PSMD11: variants seen among roughly 807,000 people sequenced by gnomAD.
PSMD11 encodes the protein proteasome 26S subunit, non-ATPase 11.
PSMD11 carries 5 observed loss-of-function variants against 62.3 expected under a neutral mutation model. The ratio of observed to expected loss-of-function variants is 0.08; its 90% CI spans 0.04 to 0.17. The LOEUF is 0.17. PSMD11 is among the 10% of genes least tolerant of loss of function. The pLI is 1.00. For synonymous variants in PSMD11, 191 were observed against 191.8 expected (o/e 1.00, Z 0.03); for missense variants, 310 against 512.9 (o/e 0.60, Z 3.82).
intron 5 of PSMD11, among the ~76,000 whole-genome samples, chr17:32,464,996 TAATTG>T (rs964711793): frequency 6.6e-6 from 1 of 152,032 alleles, no homozygotes; most frequent in Non-Finnish European, 1.5e-5. Context: ...ATCAAGAAAT[TAATTG>T]GGTACAAATA....
At chr17:32,464,436 A>G in intron 4 of PSMD11, 85 bp from the exon 5 acceptor site, 2 of 1,120,718 alleles carry the variant, frequency 1.8e-6, no homozygotes, top group Non-Finnish European at 2.6e-6. Context: ...CATATTTAAC[A>G]GTAACAGTTC....
At chr17:32,444,997 A>G (rs1907288148) in intron 1 of PSMD11, 1 of 260,624 alleles carries the variant, frequency 3.8e-6, no homozygotes, top group Non-Finnish European at 7.3e-6. Flanking sequence ...TAGAGTCTCT[A>G]CTTGAAAGGC....
At chr17:32,458,226 C>G (rs773925940) in intron 3 of PSMD11, among the ~76,000 whole-genome samples, 2 of 152,150 alleles carry the variant, frequency 1.3e-5, no homozygotes, top group East Asian at 1.9e-4. Context: ...TTTTATTCCT[C>G]TCCCTCTTCT....
Position 32,467,168 on chromosome 17 carries a change from C to G in PSMD11, c.449-1831C>G, listed in dbSNP as rs149594093. Among the ~76,000 whole-genome samples the G allele has an allele frequency of 4.0e-5, 6 of 151,890 alleles. No individual in the cohort carries two copies. The East Asian group carries it at 1.2e-3, about 29-fold the overall frequency. On this transcript the variant is annotated intron_variant, in intron 5 of 13. Transcript: ENST00000261712. ...CCATGTTGGCCAGCCTGGTCTCGAA[C>G]TCTTGACTTAGTGATCTGCCCGCCT... is the stretch of plus-strand genomic sequence containing the variant.
intron 2 of PSMD11, among the ~76,000 whole-genome samples, chr17:32,449,385 A>G (rs1290222403): frequency 6.6e-6 from 1 of 152,202 alleles, no homozygotes; most frequent in Non-Finnish European, 1.5e-5. Context: ...AGCCTGGGTG[A>G]CAGAGCAAGA....
intron 7 of PSMD11, 105 bp from the exon 8 acceptor site, chr17:32,474,659 C>CAG (rs914127725): frequency 9.0e-7 from 1 of 1,105,198 alleles, no homozygotes; most frequent in African/African-American, 1.5e-5. Flanking sequence ...TCTGTGTGGG[C>CAG]AGAGTCTTTA....
At chr17:32,477,742 A>C (rs1220870156) in intron 9 of PSMD11, 159 bp downstream of exon 9, 5 of 487,034 alleles carry the variant, frequency 1.0e-5, no homozygotes, top group African/African-American at 9.9e-5. Flanking sequence ...GAAATAGTTA[A>C]GCACTTTGTA....
chr17:32,467,932 T>C (rs1260078032), intron 5 of PSMD11, among the ~76,000 whole-genome samples: 1 of 152,228 alleles, frequency 6.6e-6, no homozygotes, highest in Non-Finnish European at 1.5e-5. Context: ...TACCTATTAG[T>C]TATTTTTCTT....
chr17:32,463,718 T>G (rs905513753), intron 3 of PSMD11, among the ~76,000 whole-genome samples: 4 of 152,250 alleles, frequency 2.6e-5, no homozygotes, highest in African/African-American at 9.6e-5. Context: ...ATCTGTGCTT[T>G]AAAAATTCCT....
chr17:32,448,293 C>T (rs1038046041), intron 2 of PSMD11, among the ~76,000 whole-genome samples: 5 of 151,852 alleles, frequency 3.3e-5, no homozygotes, highest in African/African-American at 7.3e-5. Context: ...TTATATCTTA[C>T]TTAAAACATC....
intron 4 of PSMD11, 62 bp downstream of exon 4, chr17:32,464,182 C>T: frequency 2.1e-6 from 3 of 1,414,830 alleles, no homozygotes; most frequent in South Asian, 2.3e-5. Context: ...TGAATGTAAG[C>T]AGTACCATCC....
At position 32,448,541 on chromosome 17, in the gene PSMD11, A is replaced by ATT. The variant is rs879625081; in HGVS notation, c.193+1505_193+1506dup. ...CGCCACTATGCCCGGCTAATTTTGT[A>ATT]TTTTTTTTTTTAGTAGAGGCGAGGT... On this transcript the variant is annotated intron_variant, in intron 2 of 13. Coordinates refer to ENST00000261712, the MANE Select transcript of PSMD11 (RefSeq NM_002815.4). Among the ~76,000 whole-genome samples the ATT allele has an allele frequency of 2.8e-5, 4 of 141,086 alleles. No homozygotes were observed. The Admixed American group carries it at 2.8e-4, about 10-fold the overall frequency. The allele number at this position is 141,086 out of a possible 152,430, so 92.6% of individuals were successfully genotyped here.
In PSMD11 at chr17:32,446,925, T is replaced by C. The variant is rs1907349868; in HGVS notation, c.92-20T>C. 6.3e-7 allele frequency: 1 copy of C among 1,576,626 alleles called. No homozygotes were observed. Among genetic ancestry groups the C allele is most frequent in the Non-Finnish European group, 8.7e-7 (1 of 1,150,684 alleles). The stretch of plus-strand genomic sequence containing the variant: ...TTTTTTGGTCAGAATTTTAAGAGGG[T>C]TTGCATTTTCCTCTCCCAGTGAAGC... On this transcript the variant is annotated intron_variant, in intron 1 of 13. Coordinates refer to ENST00000261712, the MANE Select transcript of PSMD11 (RefSeq NM_002815.4).
chr17:32,461,476 C>G (rs1240851814), intron 3 of PSMD11, among the ~76,000 whole-genome samples: 1 of 151,116 alleles, frequency 6.6e-6, no homozygotes, highest in Non-Finnish European at 1.5e-5. Flanking sequence ...GAGGCTGAGG[C>G]AGGAGAAGTG....
In PSMD11 at chr17:32,474,033, TG is replaced by T. The variant is rs1340173401; in HGVS notation, c.788+90del. The T allele has an allele frequency of 2.0e-6, 3 of 1,507,336 alleles. No homozygotes were observed. The African/African-American group carries it at 4.1e-5, about 21-fold the overall frequency. 93.4% of individuals were successfully genotyped at this position (1,507,336 alleles called of 1,614,324 possible). A position where few individuals can be genotyped will look rare whatever the true frequency, so the allele number is the denominator to read the frequency against. On this transcript the variant is annotated intron_variant, in intron 7 of 13. Coordinates refer to ENST00000261712, the MANE Select transcript of PSMD11 (RefSeq NM_002815.4). ...GCAGAGATGGCCTGAGCAGGGAGTT[TG>T]GCCAGTTACAGAAACAGCAGCAGCT... is the stretch of plus-strand genomic sequence containing the variant.
intron 9 of PSMD11, 44 bp downstream of exon 9, chr17:32,477,627 G>T: frequency 6.6e-7 from 1 of 1,514,426 alleles, no homozygotes; most frequent in Non-Finnish European, 9.1e-7. Context: ...GTGGAAGAGA[G>T]GGACGTTTAA....
At chr17:32,477,469 A>G (rs754578165) in intron 8 of PSMD11, 52 bp from the exon 9 acceptor site, 55 of 1,475,404 alleles carry the variant, frequency 3.7e-5, no homozygotes, top group Non-Finnish European at 4.9e-5. Context: ...GACTTGGGTA[A>G]ATGTTAGTGT....
At position 32,479,837 on chromosome 17, in the gene PSMD11, G is replaced by A. The variant is rs747011142; in HGVS notation, c.1039-14G>A. The stretch of plus-strand genomic sequence containing the variant: ...AAACTTTCAGTGTTGGTGTCTCTCT[G>A]CCTTTCCTTTTAGATTGAACACATA... On this transcript the variant is annotated splice_polypyrimidine_tract_variant and intron_variant, in intron 10 of 13. Transcript: ENST00000261712. The A allele has an allele frequency of 3.7e-6, 6 of 1,612,966 alleles. No individual in the cohort carries two copies. The highest frequency in any genetic ancestry group is 5.1e-6 in the Non-Finnish European group (6 of 1,178,982).
intron 2 of PSMD11, among the ~76,000 whole-genome samples, chr17:32,448,741 T>C (rs1484065109): frequency 6.6e-6 from 1 of 152,124 alleles, no homozygotes; most frequent in Non-Finnish European, 1.5e-5. Flanking sequence ...TTGAAGTAGG[T>C]TTTGTTACCA....
Sources: gnomAD v4.1 joint callset for allele counts (sites outside exome capture counted in the v4.1 genomes callset) on GRCh38, gnomAD v4.1.1 for gene constraint, MANE v1.5 for transcripts, NCBI Gene and HGNC (gene_info 2026-07-23, HGNC 2026-07-21) for gene names.